CD99L2: variants seen among roughly 807,000 people sequenced by gnomAD.
CD99L2 encodes CD99 antigen-like protein 2.
CD99L2 carries 24 observed loss-of-function variants against 27.3 expected under a neutral mutation model. That is an observed-to-expected ratio of 0.88 (90% CI 0.64 to 1.24). The LOEUF is 1.24. Among genes scored for constraint, CD99L2 ranks in the 50% most tolerant of loss-of-function variants. The pLI, the probability that CD99L2 is intolerant of heterozygous loss-of-function variation, is 0.00. For synonymous variants in CD99L2, 97 were observed against 87.9 expected, an observed-to-expected ratio of 1.10 and a Z score of -0.58; for missense variants, 255 against 221.6, an observed-to-expected ratio of 1.15 and a Z score of -0.96.
chrX:150,848,803 T>C (rs1316671805), intron 1 of CD99L2, among the ~76,000 whole-genome samples: 6 of 111,513 alleles, frequency 5.4e-5, no homozygotes, highest in African/African-American at 2.0e-4. Flanking sequence ...AGGCATGTGC[T>C]TTGGAAGTAC....
At chrX:150,813,693 AATACAAAAGTT>A (rs2046107503) in intron 4 of CD99L2, among the ~76,000 whole-genome samples, 1 of 112,363 alleles carries the variant, frequency 8.9e-6, no homozygotes, top group Admixed American at 9.4e-5. Context: ...GGCACATGGA[AATACAAAAGTT>A]GACATAAAAA....
chrX:150,777,362 C>G, intron 8 of CD99L2, 82 bp downstream of exon 8: 1 of 1,128,593 alleles, frequency 8.9e-7, no homozygotes, highest in South Asian at 1.8e-5. Context: ...CTTGACTTTT[C>G]CCTTGGCTTA....
intron 6 of CD99L2, among the ~76,000 whole-genome samples, chrX:150,794,024 G>A (rs2045745340): frequency 9.0e-6 from 1 of 111,204 alleles, no homozygotes; most frequent in Non-Finnish European, 1.9e-5. Flanking sequence ...AAGGTGAAGG[G>A]ATTTTGCAGA....
intron 7 of CD99L2, among the ~76,000 whole-genome samples, chrX:150,791,532 ACAGGAC>A (rs2045687822): frequency 8.9e-6 from 1 of 111,867 alleles, no homozygotes; most frequent in Admixed American, 9.4e-5. Context: ...CAGAGGCCAC[ACAGGAC>A]AGAGGGCTGT....
chrX:150,816,208 G>A, intron 2 of CD99L2, 130 bp from the exon 3 acceptor site: 2 of 571,060 alleles, frequency 3.5e-6, no homozygotes. Context: ...CCTCTAGCTA[G>A]GAGCTCCAGA....
intron 1 of CD99L2, among the ~76,000 whole-genome samples, chrX:150,897,922 G>T (rs1012669215): frequency 1.8e-5 from 2 of 110,149 alleles, no homozygotes; most frequent in Admixed American, 9.7e-5. Context: ...GTAGCAGAGG[G>T]TCTAAGAAAC....
chrX:150,830,963 C>G (rs1291505508), intron 2 of CD99L2, among the ~76,000 whole-genome samples: 1 of 109,811 alleles, frequency 9.1e-6, no homozygotes, highest in Non-Finnish European at 1.9e-5. Context: ...CATGCAATAC[C>G]ACACCCGGCT....
intron 1 of CD99L2, among the ~76,000 whole-genome samples, chrX:150,896,226 C>T (rs1249593179): frequency 1.8e-5 from 2 of 109,258 alleles, no homozygotes; most frequent in African/African-American, 3.3e-5. Flanking sequence ...AGTGAAACCC[C>T]ATCTCTACTA....
chrX:150,871,523 A>C (rs1246846644), intron 1 of CD99L2, among the ~76,000 whole-genome samples: 1 of 112,074 alleles, frequency 8.9e-6, no homozygotes, highest in Non-Finnish European at 1.9e-5. Flanking sequence ...ACTGGAACTC[A>C]TATACTGCTG....
chrX:150,798,225 GAA>G (rs2045842007), intron 4 of CD99L2, among the ~76,000 whole-genome samples: 2 of 20,174 alleles, frequency 9.9e-5, no homozygotes, highest in African/African-American at 5.2e-4. Flanking sequence ...AGGAAGGAAG[GAA>G]GGAAGGAAGG....
chrX:150,777,611 A>C lies in CD99L2; in HGVS notation c.497-129T>G. On this transcript the variant is annotated intron_variant, in intron 7 of 10. Coordinates refer to ENST00000370377, the MANE Select transcript of CD99L2 (RefSeq NM_031462.4). ...TATGCGACAAGACCCCCACCAGTGGATCACCCGTAGGCTTCTACTGGACTG... is the reference window on the plus strand; with the variant it reads ...TATGCGACAAGACCCCCACCAGTGGCTCACCCGTAGGCTTCTACTGGACTG... The C allele has an allele frequency of 1.2e-5, 8 of 672,158 alleles. No homozygotes were observed. The South Asian group carries it at 1.9e-4, about 16-fold the overall frequency. The allele number at this position is 672,158 out of a possible 1,213,427, so 55.4% of individuals were successfully genotyped here.
At chrX:150,832,101 C>G (rs1440876895) in intron 1 of CD99L2, among the ~76,000 whole-genome samples, 2 of 112,372 alleles carry the variant, frequency 1.8e-5, no homozygotes, top group African/African-American at 6.5e-5. Context: ...AAAATACACA[C>G]TCTTCTCAAG....
intron 1 of CD99L2, among the ~76,000 whole-genome samples, chrX:150,844,562 T>A (rs2046671358): frequency 8.9e-6 from 1 of 112,059 alleles, no homozygotes; most frequent in Admixed American, 9.4e-5. Flanking sequence ...AACACATTTG[T>A]CTTGATGAAT....
chrX:150,816,265 A>T, intron 2 of CD99L2, 187 bp from the exon 3 acceptor site: 1 of 438,140 alleles, frequency 2.3e-6, no homozygotes, highest in Non-Finnish European at 4.0e-6. Flanking sequence ...TTAAATGAGA[A>T]GAGTTCTGCT....
intron 1 of CD99L2, among the ~76,000 whole-genome samples, chrX:150,859,966 C>G (rs374439823): frequency 1.8e-5 from 2 of 111,169 alleles, no homozygotes; most frequent in East Asian, 5.7e-4. Flanking sequence ...GAAATTCTCC[C>G]TAACTTATTC....
At chrX:150,798,942 G>C (rs932260476) in intron 4 of CD99L2, among the ~76,000 whole-genome samples, 4 of 111,486 alleles carry the variant, frequency 3.6e-5, no homozygotes, top group African/African-American at 6.5e-5. Flanking sequence ...GTACAGACAG[G>C]GTTGCCCCAT....
intron 1 of CD99L2, among the ~76,000 whole-genome samples, chrX:150,864,721 T>C (rs1394877222): frequency 8.9e-6 from 1 of 112,618 alleles, no homozygotes; most frequent in Non-Finnish European, 1.9e-5. Flanking sequence ...ATCAGCACAA[T>C]ACTATTCATA....
At chrX:150,834,275 C>T (rs1380479632) in intron 1 of CD99L2, among the ~76,000 whole-genome samples, 3 of 111,645 alleles carry the variant, frequency 2.7e-5, no homozygotes, top group East Asian at 2.8e-4. Context: ...AGGCAGTTCA[C>T]GAGGTCAAGA....
At chrX:150,874,115 G>A (rs1167010492) in intron 1 of CD99L2, among the ~76,000 whole-genome samples, 1 of 112,207 alleles carries the variant, frequency 8.9e-6, no homozygotes, top group Non-Finnish European at 1.9e-5. Flanking sequence ...CAGAGTTCTT[G>A]GCCTCGGTCT....
Sources: gnomAD v4.1 joint callset for allele counts (sites outside exome capture counted in the v4.1 genomes callset) on GRCh38, gnomAD v4.1.1 for gene constraint, MANE v1.5 for transcripts, NCBI Gene and HGNC (gene_info 2026-07-23, HGNC 2026-07-21) for gene names.